AGBL1: variants seen among roughly 807,000 people sequenced by gnomAD.
AGBL1 encodes cytosolic carboxypeptidase 4.
In AGBL1, 130 loss-of-function variants were observed where a neutral mutation model predicts 118.9. The ratio of observed to expected loss-of-function variants is 1.09; its 90% CI spans 0.95 to 1.26. The LOEUF is 1.26. Among genes scored for constraint, AGBL1 ranks in the 50% most tolerant of loss-of-function variants. AGBL1 has a pLI of 0.00. For synonymous variants in AGBL1, 555 were observed against 478.9 expected, an observed-to-expected ratio of 1.16 and a Z score of -2.08; for missense variants, 1,584 against 1,298.1, an observed-to-expected ratio of 1.22 and a Z score of -3.38.
chr15:86,416,935 A>G (rs1158446365), intron 18 of AGBL1, among the ~76,000 whole-genome samples: 3 of 152,202 alleles, frequency 2.0e-5, no homozygotes, highest in East Asian at 1.9e-4. Context: ...GTGATATGCA[A>G]TTTCTCTTGG....
intron 21 of AGBL1, among the ~76,000 whole-genome samples, chr15:86,637,967 T>C (rs879919817): frequency 3.9e-5 from 6 of 152,210 alleles, no homozygotes; most frequent in Non-Finnish European, 8.8e-5. Context: ...TCTATCCTTC[T>C]GCCCCTCAGG....
chr15:86,412,219 G>A (rs2081630604), intron 18 of AGBL1, among the ~76,000 whole-genome samples: 1 of 152,162 alleles, frequency 6.6e-6, no homozygotes, highest in Non-Finnish European at 1.5e-5. Flanking sequence ...GGATCACCAA[G>A]TCGAGGACAC....
chr15:86,614,512 C>A (rs1365667607), intron 21 of AGBL1, among the ~76,000 whole-genome samples: 2 of 151,942 alleles, frequency 1.3e-5, no homozygotes, highest in African/African-American at 4.8e-5. Flanking sequence ...TATGGTGGTA[C>A]CCTGATGGAA....
rs974403735 is a variant in AGBL1 at position 86,522,923 on chromosome 15, T to C, written c.2669T>C (p.Ile890Thr). ...AKGLLYHLSS[I>T]GRSPVVFCDF... The stretch of plus-strand genomic sequence containing the variant: ...GGCCTCCTCTACCACCTGAGCAGCA[T>C]TGGCCGAAGTCCCGTGGTGAGTCAC... The change falls in exon 19 of 23, where the codon ATT becomes ACT. Residue 890 changes from isoleucine (I) to threonine (T), a missense_variant. Physicochemically the swap from Ile to Thr is moderately conservative, Grantham distance 89. Transcript: ENST00000614907. 2.5e-6 allele frequency: 4 copies of C among 1,613,960 alleles called. No individual in the cohort carries two copies. Among genetic ancestry groups the C allele is most frequent in the South Asian group, 1.1e-5 (1 of 91,084 alleles).
At chr15:86,494,967 A>C (rs982320813) in intron 18 of AGBL1, among the ~76,000 whole-genome samples, 1 of 151,748 alleles carries the variant, frequency 6.6e-6, no homozygotes, top group Non-Finnish European at 1.5e-5. Context: ...AATAAATAAC[A>C]TATTGTAGAT....
chr15:86,427,189 T>C (rs1295237184), intron 18 of AGBL1, among the ~76,000 whole-genome samples: 1 of 152,226 alleles, frequency 6.6e-6, no homozygotes, highest in East Asian at 1.9e-4. Context: ...TGCATAAAAG[T>C]ATTTTTTATA....
chr15:86,504,319 CTT>C (rs1364966835), intron 18 of AGBL1, among the ~76,000 whole-genome samples: 3 of 151,328 alleles, frequency 2.0e-5, no homozygotes, highest in Non-Finnish European at 4.4e-5. Flanking sequence ...CAGTATATCT[CTT>C]ATAGCCAGCT....
chr15:86,550,200 G>A (rs2142262080), intron 20 of AGBL1, among the ~76,000 whole-genome samples: 1 of 151,664 alleles, frequency 6.6e-6, no homozygotes, highest in Non-Finnish European at 1.5e-5. Context: ...TATAATGAGA[G>A]AAGAAGATAG....
At chr15:86,600,028 C>G (rs753389913) in intron 21 of AGBL1, among the ~76,000 whole-genome samples, 12 of 152,146 alleles carry the variant, frequency 7.9e-5, no homozygotes, top group Non-Finnish European at 1.0e-4. Flanking sequence ...TTATGGTACA[C>G]TTGATTTGCC....
At chr15:86,251,439 T>C (rs1239536432) in intron 7 of AGBL1, among the ~76,000 whole-genome samples, 6 of 152,188 alleles carry the variant, frequency 3.9e-5, no homozygotes, top group African/African-American at 1.2e-4. Flanking sequence ...TAAATGACGC[T>C]GATACTACTG....
intron 22 of AGBL1, among the ~76,000 whole-genome samples, chr15:86,773,829 C>G (rs1398611908): frequency 6.6e-6 from 1 of 151,916 alleles, no homozygotes; most frequent in Non-Finnish European, 1.5e-5. Context: ...AAGAATCTCT[C>G]CTAGATTTCT....
chr15:86,466,862 C>A (rs1050215055), intron 18 of AGBL1, among the ~76,000 whole-genome samples: 2 of 152,204 alleles, frequency 1.3e-5, no homozygotes, highest in African/African-American at 4.8e-5. Context: ...GCTTCTTCCT[C>A]TGGAAGCTTC....
At chr15:86,265,284 G>A (rs2079054031) in intron 11 of AGBL1, among the ~76,000 whole-genome samples, 1 of 152,118 alleles carries the variant, frequency 6.6e-6, no homozygotes, top group South Asian at 2.1e-4. Flanking sequence ...CCATTCCACA[G>A]CCCTAGCTAT....
chr15:86,329,409 C>T (rs1187196721), intron 17 of AGBL1, among the ~76,000 whole-genome samples: 2 of 152,090 alleles, frequency 1.3e-5, no homozygotes, highest in Admixed American at 6.5e-5. Context: ...CTCACCCTTC[C>T]TGTGCATAGA....
chr15:86,553,697 C>G (rs1472276256), intron 20 of AGBL1, among the ~76,000 whole-genome samples: 1 of 152,124 alleles, frequency 6.6e-6, no homozygotes, highest in African/African-American at 2.4e-5. Context: ...CCTTTGAAAT[C>G]TGAGGATTTC....
chr15:86,824,598 A>G (rs146452267), intron 22 of AGBL1, among the ~76,000 whole-genome samples: 1,800 of 152,088 alleles, frequency 0.012, 25 homozygotes, highest in Middle Eastern at 0.061. Flanking sequence ...TAAAATTTAT[A>G]TGAAAAGATA....
rs138490379 is a variant in AGBL1 at position 86,632,274 on chromosome 15, T to TAA, written c.2995-41982_2995-41981dup. Among the ~76,000 whole-genome samples, 389 of 125,266 alleles carry TAA rather than the reference T, an allele frequency of 3.1e-3. 3 individuals are homozygous for TAA. The highest frequency in any genetic ancestry group is 5.1e-3 in the African/African-American group (163 of 31,830). The allele number at this position is 125,266 out of a possible 152,430, so 82.2% of individuals were successfully genotyped here. A position where few individuals can be genotyped will look rare whatever the true frequency, so the allele number is the denominator to read the frequency against. ...CAGCGCAAGACCCTGTCTTTCTCTT[T>TAA]AAAAAAAAAAAAAAAAAAGGCTGGC... On this transcript the variant is annotated intron_variant, in intron 21 of 22. Transcript: ENST00000614907.
At chr15:86,436,302 G>A (rs927910160) in intron 18 of AGBL1, among the ~76,000 whole-genome samples, 1 of 151,686 alleles carries the variant, frequency 6.6e-6, no homozygotes, top group Non-Finnish European at 1.5e-5. Context: ...GGGAGAAAGG[G>A]CAGGGCTGCA....
chr15:86,774,270 C>T (rs1420459442), intron 22 of AGBL1, among the ~76,000 whole-genome samples: 2 of 152,056 alleles, frequency 1.3e-5, no homozygotes, highest in African/African-American at 4.8e-5. Context: ...TTTCTCCCCT[C>T]ACTAATTTAA....
Sources: gnomAD v4.1 joint callset for allele counts (sites outside exome capture counted in the v4.1 genomes callset) on GRCh38, gnomAD v4.1.1 for gene constraint, MANE v1.5 for transcripts, NCBI Gene and HGNC (gene_info 2026-07-23, HGNC 2026-07-21) for gene names.